Variants in SHC3 observed in about 807,000 individuals in gnomAD.
The protein encoded by SHC3 is SHC adaptor protein 3.
In SHC3, 15 loss-of-function variants were observed where a neutral mutation model predicts 60.4. That is an observed-to-expected ratio of 0.25 (90% CI 0.17 to 0.38). The LOEUF (loss-of-function observed/expected upper bound fraction) is 0.38. Ranked by LOEUF, SHC3 falls within the 10% of genes least tolerant of loss-of-function variation. The probability of loss-of-function intolerance (pLI) is 1.00; values close to 1 mark genes in which losing one functional copy is unlikely to be tolerated. For missense variants in SHC3, 677 were observed against 786.1 expected (o/e 0.86, Z 1.66); for synonymous variants, 294 against 325.9 (o/e 0.90, Z 1.05).
intron 1 of SHC3, among the ~76,000 whole-genome samples, chr9:89,124,245 G>A (rs1193564252): frequency 1.3e-5 from 2 of 152,320 alleles, no homozygotes; most frequent in East Asian, 3.9e-4. Context: ...GTTGGTAGGA[G>A]TGTAAATTAG....
intron 1 of SHC3, among the ~76,000 whole-genome samples, chr9:89,155,347 A>C (rs1826607134): frequency 6.6e-6 from 1 of 152,066 alleles, no homozygotes; most frequent in Non-Finnish European, 1.5e-5. Context: ...CTTACGGAAC[A>C]ACCACTCAGC....
At chr9:89,105,916 A>C in intron 2 of SHC3, among the ~76,000 whole-genome samples, 1 of 152,238 alleles carries the variant, frequency 6.6e-6, no homozygotes, top group Middle Eastern at 3.2e-3. Context: ...AATACCAATC[A>C]GCAACTGATA....
intron 6 of SHC3, among the ~76,000 whole-genome samples, chr9:89,056,146 T>C (rs1194571682): frequency 6.6e-6 from 1 of 152,266 alleles, no homozygotes; most frequent in Non-Finnish European, 1.5e-5. Context: ...GCTGATTTCT[T>C]ATCTTATATG....
intron 1 of SHC3, among the ~76,000 whole-genome samples, chr9:89,122,903 G>A (rs753138855): frequency 3.9e-5 from 6 of 152,162 alleles, no homozygotes; most frequent in African/African-American, 1.2e-4. Flanking sequence ...ATACTATGGC[G>A]CCAGCTTTTG....
In SHC3 at chr9:89,022,034, G is replaced by A. The variant is rs1365293185; in HGVS notation, c.1657-8459C>T. Among the ~76,000 whole-genome samples the A allele has an allele frequency of 6.6e-5, 10 of 152,122 alleles. No homozygotes were observed. The East Asian group carries it at 1.9e-3, about 29-fold the overall frequency. On this transcript the variant is annotated intron_variant, in intron 11 of 11. Coordinates refer to ENST00000375835, the MANE Select transcript of SHC3 (RefSeq NM_016848.6). ...GTAATTTCCATATTTCCTTTGTAGC[G>A]AACAAAGGCACAATGTCAATGAGAG...
chr9:89,067,842 T>C (rs983177654), intron 5 of SHC3, among the ~76,000 whole-genome samples: 3 of 152,214 alleles, frequency 2.0e-5, no homozygotes, highest in Non-Finnish European at 4.4e-5. Context: ...CAAATTTAAG[T>C]AGGGGGAGAG....
At chr9:89,092,099 C>G (rs562547977) in intron 2 of SHC3, among the ~76,000 whole-genome samples, 1 of 152,282 alleles carries the variant, frequency 6.6e-6, no homozygotes, top group South Asian at 2.1e-4. Context: ...GCAATATTAG[C>G]ACTCAGTGCT....
chr9:89,129,303 G>A (rs766025578), intron 1 of SHC3, among the ~76,000 whole-genome samples: 18 of 152,180 alleles, frequency 1.2e-4, no homozygotes, highest in East Asian at 9.6e-4. Context: ...AAAGTGACAC[G>A]GAGAAGGGAA....
intron 1 of SHC3, among the ~76,000 whole-genome samples, chr9:89,154,177 T>C (rs550335244): frequency 3.5e-4 from 54 of 152,134 alleles, no homozygotes; most frequent in African/African-American, 1.2e-3. Flanking sequence ...TCTTAAAACA[T>C]TATGAGATTT....
At chr9:89,131,317 T>C (rs1266201100) in intron 1 of SHC3, among the ~76,000 whole-genome samples, 1 of 152,192 alleles carries the variant, frequency 6.6e-6, no homozygotes, top group South Asian at 2.1e-4. Context: ...ACAGCCAAAT[T>C]CTACCAGAGG....
intron 2 of SHC3, among the ~76,000 whole-genome samples, chr9:89,097,014 GA>G (rs1825712620): frequency 6.6e-6 from 1 of 151,444 alleles, no homozygotes; most frequent in African/African-American, 2.4e-5. Flanking sequence ...GGGCGCTGCA[GA>G]CACCAGGTCA....
chr9:89,019,574 A>T (rs1225539360), intron 11 of SHC3, among the ~76,000 whole-genome samples: 1 of 152,228 alleles, frequency 6.6e-6, no homozygotes, highest in East Asian at 1.9e-4. Flanking sequence ...GACATAAGGT[A>T]AATATACAAA....
At chr9:89,143,573 A>G (rs1826426804) in intron 1 of SHC3, among the ~76,000 whole-genome samples, 1 of 152,148 alleles carries the variant, frequency 6.6e-6, no homozygotes. Flanking sequence ...GGAGTTGGGA[A>G]ACGCATCATT....
At chr9:89,142,424 G>C (rs948893056) in intron 1 of SHC3, among the ~76,000 whole-genome samples, 3 of 152,000 alleles carry the variant, frequency 2.0e-5, no homozygotes, top group Admixed American at 2.0e-4. Context: ...AGCCAGGTGT[G>C]GTGGTGGGTG....
intron 11 of SHC3, among the ~76,000 whole-genome samples, chr9:89,018,248 T>C (rs542917438): frequency 7.4e-4 from 112 of 152,228 alleles, no homozygotes; most frequent in African/African-American, 2.6e-3. Context: ...ACCCAAATGC[T>C]CATCAATGAT....
chr9:89,037,968 G>C (rs376350694), intron 11 of SHC3, 25 bp downstream of exon 11: 2 of 1,598,014 alleles, frequency 1.3e-6, no homozygotes. Context: ...TGGCAGGTCC[G>C]GCCCCACCCC....
At chr9:89,109,127 C>T (rs1005897955) in intron 2 of SHC3, 1 of 985,348 alleles carries the variant, frequency 1.0e-6, no homozygotes, top group South Asian at 4.7e-5. Context: ...ATAGGAAATC[C>T]TCTACAAACA....
At chr9:89,051,781 G>A (rs1038113203) in intron 7 of SHC3, among the ~76,000 whole-genome samples, 4 of 152,176 alleles carry the variant, frequency 2.6e-5, no homozygotes, top group Non-Finnish European at 4.4e-5. Flanking sequence ...TAATGAAGTC[G>A]CTTTTCTGTA....
chr9:89,075,564 C>T (rs538303998), intron 3 of SHC3, among the ~76,000 whole-genome samples: 1 of 152,294 alleles, frequency 6.6e-6, no homozygotes, highest in African/African-American at 2.4e-5. Flanking sequence ...CTGGGGAAAG[C>T]CCATCACATT....
Sources: allele counts gnomAD v4.1 joint callset (sites outside exome capture counted in the v4.1 genomes callset), GRCh38; gene constraint gnomAD v4.1.1; transcripts MANE v1.5; gene names NCBI Gene and HGNC (gene_info 2026-07-23, HGNC 2026-07-21).